Variants in LINGO2 observed in about 807,000 individuals in gnomAD.
LINGO2 encodes leucine-rich repeat and immunoglobulin-like domain-containing nogo receptor-interacting protein 2.
Under a neutral mutation model 30.6 loss-of-function variants are expected in LINGO2, and 14 were observed. The ratio of observed to expected loss-of-function variants is 0.46; its 90% CI spans 0.30 to 0.72. The LOEUF (loss-of-function observed/expected upper bound fraction) is 0.72, where lower values mean the gene tolerates loss of function less well. Ranked by LOEUF, LINGO2 falls within the 30% of genes least tolerant of loss-of-function variation. The pLI is 0.07. For synonymous variants in LINGO2, 317 were observed against 288.5 expected, an observed-to-expected ratio of 1.10 and a Z score of -1.00; for missense variants, 729 against 751.7, an observed-to-expected ratio of 0.97 and a Z score of 0.35.
At chr9:28,573,455 C>A (rs1029750048) in intron 1 of LINGO2, among the ~76,000 whole-genome samples, 1 of 152,106 alleles carries the variant, frequency 6.6e-6, no homozygotes, top group Non-Finnish European at 1.5e-5. Flanking sequence ...CTCCATTCAA[C>A]CACACAATAA....
At chr9:28,697,038 ACTTACTCTT>A in the LINGO2 span, among the ~76,000 whole-genome samples, 1 of 152,018 alleles carries the variant, frequency 6.6e-6, no homozygotes, top group East Asian at 1.9e-4. Context: ...TAATCTTTAT[ACTTACTCTT>A]CTGGCATGTA....
the LINGO2 span, among the ~76,000 whole-genome samples, chr9:28,800,581 G>A: frequency 4.0e-5 from 6 of 151,876 alleles, no homozygotes; most frequent in Non-Finnish European, 5.9e-5. Flanking sequence ...CCGTATCATT[G>A]GCCATGAAGG....
the LINGO2 span, among the ~76,000 whole-genome samples, chr9:28,804,037 G>C: frequency 5.3e-5 from 8 of 152,008 alleles, no homozygotes; most frequent in African/African-American, 1.9e-4. Flanking sequence ...ATTCATATTT[G>C]AAGGCCTCCA....
intron 3 of LINGO2, among the ~76,000 whole-genome samples, chr9:28,365,323 G>GA (rs1820619922): frequency 6.6e-6 from 1 of 152,136 alleles, no homozygotes; most frequent in Non-Finnish European, 1.5e-5. Context: ...GCCAGATTGT[G>GA]AAAAATGTAT....
At chr9:27,971,107 G>A (rs1820330308) in intron 5 of LINGO2, among the ~76,000 whole-genome samples, 1 of 151,860 alleles carries the variant, frequency 6.6e-6, no homozygotes. Context: ...AAATAGCAAA[G>A]TCAAACCCCA....
chr9:28,232,457 T>A (rs1217020461), intron 4 of LINGO2, among the ~76,000 whole-genome samples: 1 of 151,244 alleles, frequency 6.6e-6, no homozygotes, highest in Non-Finnish European at 1.5e-5. Context: ...AAAGATTATG[T>A]TTTTCTCCCA....
At chr9:28,099,067 T>C (rs1472105097) in intron 4 of LINGO2, among the ~76,000 whole-genome samples, 1 of 152,126 alleles carries the variant, frequency 6.6e-6, no homozygotes. Context: ...GCTAATAGCA[T>C]AGAAAGACTG....
chr9:29,071,141 G>T, the LINGO2 span, among the ~76,000 whole-genome samples: 1 of 142,386 alleles, frequency 7.0e-6, no homozygotes, highest in South Asian at 2.2e-4. Flanking sequence ...ATCTACAATT[G>T]CATCACAGAG....
chr9:28,507,280 C>A (rs1478854225), intron 1 of LINGO2, among the ~76,000 whole-genome samples: 1 of 151,554 alleles, frequency 6.6e-6, no homozygotes, highest in Non-Finnish European at 1.5e-5. Flanking sequence ...CTCTTTCCTA[C>A]CCAACAGTCT....
chr9:29,057,351 C>A, the LINGO2 span, among the ~76,000 whole-genome samples: 1 of 152,060 alleles, frequency 6.6e-6, no homozygotes, highest in African/African-American at 2.4e-5. Flanking sequence ...GAAAGAGTAT[C>A]TGATAGTAAA....
chr9:29,169,038 C>T, the LINGO2 span, among the ~76,000 whole-genome samples: 1 of 152,156 alleles, frequency 6.6e-6, no homozygotes. Context: ...ACCTCCATCT[C>T]CCAGGTTTAA....
At chr9:27,983,197 G>A (rs942434365) in intron 5 of LINGO2, among the ~76,000 whole-genome samples, 1 of 151,888 alleles carries the variant, frequency 6.6e-6, no homozygotes, top group Non-Finnish European at 1.5e-5. Flanking sequence ...TATGTGAAAT[G>A]CATGCATCTT....
chr9:28,007,687 C>G (rs958846810), intron 5 of LINGO2, among the ~76,000 whole-genome samples: 3 of 152,058 alleles, frequency 2.0e-5, no homozygotes, highest in African/African-American at 7.2e-5. Context: ...GACTCTCATA[C>G]CTTGGAGCTG....
At chr9:28,719,178 C>T in the LINGO2 span, among the ~76,000 whole-genome samples, 1 of 151,982 alleles carries the variant, frequency 6.6e-6, no homozygotes, top group Non-Finnish European at 1.5e-5. Flanking sequence ...AGGTTAATGT[C>T]ACTCCTGTTC....
At chr9:28,164,575 A>G (rs1828375049) in intron 4 of LINGO2, among the ~76,000 whole-genome samples, 1 of 152,172 alleles carries the variant, frequency 6.6e-6, no homozygotes, top group African/African-American at 2.4e-5. Context: ...AAAAATAATG[A>G]ACTATATTGG....
chr9:28,857,049 G>C, the LINGO2 span, among the ~76,000 whole-genome samples: 1 of 151,962 alleles, frequency 6.6e-6, no homozygotes, highest in Non-Finnish European at 1.5e-5. Context: ...CAGAATTCAA[G>C]GGAAGTGACT....
chr9:28,394,781 A>T (rs940470255), intron 2 of LINGO2, among the ~76,000 whole-genome samples: 1 of 152,216 alleles, frequency 6.6e-6, no homozygotes, highest in Non-Finnish European at 1.5e-5. Context: ...ATCCTCTGTG[A>T]AGGAAATAAT....
chr9:28,184,964 A>C (rs59720323), intron 4 of LINGO2, among the ~76,000 whole-genome samples: 1 of 151,464 alleles, frequency 6.6e-6, no homozygotes, highest in African/African-American at 2.4e-5. Context: ...AAAACAAAAC[A>C]AAAAAAAATC....
At chr9:28,065,118 C>G (rs1825272334) in intron 4 of LINGO2, among the ~76,000 whole-genome samples, 1 of 151,542 alleles carries the variant, frequency 6.6e-6, no homozygotes, top group South Asian at 2.1e-4. Flanking sequence ...AGTGTATGGC[C>G]TAAATTGTGG....
Sources: gnomAD v4.1 joint callset for allele counts (sites outside exome capture counted in the v4.1 genomes callset) on GRCh38, gnomAD v4.1.1 for gene constraint, MANE v1.5 for transcripts, NCBI Gene and HGNC (gene_info 2026-07-23, HGNC 2026-07-21) for gene names.